The following UGT1A7 variants were observed in gnomAD, a reference collection of about 807,000 sequenced individuals.
The protein encoded by UGT1A7 is UDP glucuronosyltransferase family 1 member A7, also known as UDP-glucuronosyltransferase 1A7.
A neutral mutation model predicts 45.6 loss-of-function variants in UGT1A7; 33 were observed. That is an observed-to-expected ratio of 0.72 (90% CI 0.55 to 0.97). The LOEUF is 0.97. Ranked by LOEUF, UGT1A7 falls within the 50% of genes least tolerant of loss-of-function variation. The pLI is 0.00. For missense variants in UGT1A7, 684 were observed against 666.2 expected, an observed-to-expected ratio of 1.03 and a Z score of -0.29; for synonymous variants, 274 against 250.6, an observed-to-expected ratio of 1.09 and a Z score of -0.88.
intron 1 of UGT1A7, among the ~76,000 whole-genome samples, chr2:233,717,159 C>A (rs961271798): frequency 3.3e-5 from 5 of 152,194 alleles, no homozygotes; most frequent in African/African-American, 1.2e-4. Context: ...AACATGGGAG[C>A]CCCTTGAATG....
intron 1 of UGT1A7, among the ~76,000 whole-genome samples, chr2:233,732,023 C>A (rs1433025634): frequency 6.6e-6 from 1 of 152,226 alleles, no homozygotes; most frequent in Non-Finnish European, 1.5e-5. Context: ...ATTTGCATTT[C>A]TCTGATGACC....
chr2:233,682,175 T>G lies in UGT1A7; in HGVS notation c.238T>G (p.Ser80Ala), dbSNP rs145733073. Residue 80 changes from serine to alanine, a missense_variant, in exon 1 of 5, where the codon TCA (serine) becomes GCA (alanine). By Grantham distance (99) the Ser-to-Ala change is moderately conservative. Transcript: ENST00000373426. ...TTGCACAGTGAAGACTTACTCAACC[T>G]CATACACTCTGGAGGATCAGGACCG... is the stretch of plus-strand genomic sequence containing the variant. ...LNCTVKTYST[S>A]YTLEDQDREF... 7.2e-5 allele frequency: 117 copies of G among 1,614,190 alleles called. No homozygotes were observed. The highest frequency in any genetic ancestry group is 8.8e-5 in the South Asian group (8 of 91,072).
chr2:233,694,262 A>AC (rs1480202437), intron 1 of UGT1A7, among the ~76,000 whole-genome samples: 9 of 151,410 alleles, frequency 5.9e-5, no homozygotes, highest in Non-Finnish European at 1.2e-4. Context: ...GGACCAGCGA[A>AC]CTACAGCCTG....
chr2:233,719,365 T>C, intron 1 of UGT1A7: 1 of 1,613,926 alleles, frequency 6.2e-7, no homozygotes. Context: ...GACTTAGACT[T>C]TAAGGGCACA....
rs567256454 is a variant in UGT1A7 at position 233,740,487 on chromosome 2, A to G, written c.856-26547A>G. Among the ~76,000 whole-genome samples the G allele has an allele frequency of 3.4e-4, 52 of 152,072 alleles. 1 individual carries two copies. In the South Asian group the frequency reaches 4.6e-3, roughly 13 times the overall value. The stretch of plus-strand genomic sequence containing the variant: ...GACAGAAAGGATCATTCCCTCTTCC[A>G]GATGCTTTCCAGTGTGTGATGTAAG... On this transcript the variant is annotated intron_variant, in intron 1 of 4. Transcript: ENST00000373426.
At chr2:233,747,180 G>A in intron 1 of UGT1A7, 1 of 1,601,796 alleles carries the variant, frequency 6.2e-7, no homozygotes, top group South Asian at 1.1e-5. Flanking sequence ...CACAGCGTGG[G>A]GTGGACAGTC....
chr2:233,752,697 G>A (rs1396469701), intron 1 of UGT1A7, among the ~76,000 whole-genome samples: 1 of 152,136 alleles, frequency 6.6e-6, no homozygotes, highest in African/African-American at 2.4e-5. Context: ...GTTTACTAGT[G>A]GGGTATGATC....
chr2:233,734,619 T>A (rs1463316378), intron 1 of UGT1A7, among the ~76,000 whole-genome samples: 1 of 152,238 alleles, frequency 6.6e-6, no homozygotes, highest in African/African-American at 2.4e-5. Flanking sequence ...GTGTTGATTT[T>A]AGATCTTTCC....
intron 1 of UGT1A7, among the ~76,000 whole-genome samples, chr2:233,702,498 T>C (rs1372643212): frequency 6.6e-6 from 1 of 152,198 alleles, no homozygotes; most frequent in Non-Finnish European, 1.5e-5. Context: ...TAGTACCGTG[T>C]TGAATAGAAG....
intron 1 of UGT1A7, chr2:233,692,488 G>A: frequency 6.0e-6 from 1 of 166,024 alleles, no homozygotes; most frequent in East Asian, 1.9e-4. Flanking sequence ...GGGCAGTCTT[G>A]TAGGACTGAG....
intron 1 of UGT1A7, among the ~76,000 whole-genome samples, chr2:233,744,817 A>G (rs1304703196): frequency 6.6e-6 from 1 of 151,914 alleles, no homozygotes; most frequent in East Asian, 1.9e-4. Flanking sequence ...TTCCTGGCTC[A>G]TACTTTGAGA....
chr2:233,746,409 A>G (rs1367378593), intron 1 of UGT1A7, among the ~76,000 whole-genome samples: 2 of 151,722 alleles, frequency 1.3e-5, no homozygotes, highest in Non-Finnish European at 2.9e-5. Flanking sequence ...AGTGTGTCCA[A>G]TGGTGACCTA....
chr2:233,693,809 C>T, intron 1 of UGT1A7: 1 of 1,614,184 alleles, frequency 6.2e-7, no homozygotes, highest in South Asian at 1.1e-5. Context: ...GCCGGTCATG[C>T]CCAACATGGT....
intron 1 of UGT1A7, among the ~76,000 whole-genome samples, chr2:233,701,807 A>G (rs2075653116): frequency 1.3e-5 from 2 of 152,224 alleles, no homozygotes; most frequent in Non-Finnish European, 2.9e-5. Flanking sequence ...GAGAACAAAG[A>G]CACAACATAC....
At chr2:233,732,416 TTTC>T (rs1325833889) in intron 1 of UGT1A7, among the ~76,000 whole-genome samples, 1 of 152,362 alleles carries the variant, frequency 6.6e-6, no homozygotes, top group East Asian at 1.9e-4. Context: ...TTGCCTAGGT[TTTC>T]TTCTAGGATT....
chr2:233,762,134 T>C (rs1697981435), intron 1 of UGT1A7, among the ~76,000 whole-genome samples: 1 of 152,212 alleles, frequency 6.6e-6, no homozygotes, highest in African/African-American at 2.4e-5. Flanking sequence ...TGTGGGGACC[T>C]GTGTGACTTT....
intron 1 of UGT1A7, chr2:233,712,923 A>C (rs769020830): frequency 1.1e-5 from 18 of 1,612,000 alleles, no homozygotes; most frequent in Non-Finnish European, 1.5e-5. Flanking sequence ...AAGGTAATTA[A>C]GACGAAGGAA....
Position 233,693,577 on chromosome 2 carries a change from C to T in UGT1A7, c.855+10785C>T, listed in dbSNP as rs1031278629. On this transcript the variant is annotated intron_variant, in intron 1 of 4. Coordinates refer to ENST00000373426, the MANE Select transcript of UGT1A7 (RefSeq NM_019077.3). ...GCAGAAGCCCAGACCCTGTGTCCTACATTCCCAGGTGCTACACAAAGTTTT... is the reference window on the plus strand; with the variant it reads ...GCAGAAGCCCAGACCCTGTGTCCTATATTCCCAGGTGCTACACAAAGTTTT... 4 of 1,614,118 alleles carry T rather than the reference C, an allele frequency of 2.5e-6. No homozygotes were observed. In the African/African-American group the frequency reaches 5.3e-5, roughly 22 times the overall value.
At chr2:233,691,247 C>G in intron 1 of UGT1A7, 1 of 985,544 alleles carries the variant, frequency 1.0e-6, no homozygotes, top group Non-Finnish European at 1.2e-6. Flanking sequence ...TCTAGATGAA[C>G]TCAAAGCAAG....
Sources: gnomAD v4.1 joint callset for allele counts (sites outside exome capture counted in the v4.1 genomes callset) on GRCh38, gnomAD v4.1.1 for gene constraint, MANE v1.5 for transcripts, NCBI Gene and HGNC (gene_info 2026-07-23, HGNC 2026-07-21) for gene names.